KCMF1: variants seen among roughly 807,000 people sequenced by gnomAD.
KCMF1 encodes the protein E3 ubiquitin-protein ligase KCMF1.
KCMF1 carries 3 observed loss-of-function variants against 41.1 expected under a neutral mutation model. That is an observed-to-expected ratio of 0.07 (90% CI 0.03 to 0.19). The LOEUF is 0.19. Ranked by LOEUF, KCMF1 falls within the 10% of genes least tolerant of loss-of-function variation. The pLI is 1.00. For missense variants in KCMF1, 286 were observed against 488.9 expected, an observed-to-expected ratio of 0.58 and a Z score of 3.91; for synonymous variants, 142 against 164.5, an observed-to-expected ratio of 0.86 and a Z score of 1.04.
At chr2:85,012,909 G>T (rs1477880446) in intron 1 of KCMF1, among the ~76,000 whole-genome samples, 1 of 152,172 alleles carries the variant, frequency 6.6e-6, no homozygotes. Flanking sequence ...AAGTGACTTA[G>T]TTCATGTTTG....
chr2:85,010,846 CTTTT>C (rs1285447116), intron 1 of KCMF1, among the ~76,000 whole-genome samples: 1 of 140,612 alleles, frequency 7.1e-6, no homozygotes, highest in Non-Finnish European at 1.6e-5. Flanking sequence ...TAATCTATTA[CTTTT>C]TTTTTTTTTT....
At chr2:85,021,554 A>G (rs1674940113) in intron 1 of KCMF1, among the ~76,000 whole-genome samples, 1 of 152,002 alleles carries the variant, frequency 6.6e-6, no homozygotes, top group African/African-American at 2.4e-5. Context: ...ACCAGGAGAC[A>G]GAGCTTGCAG....
chr2:84,987,544 T>C lies in KCMF1; in HGVS notation c.16+16077T>C, dbSNP rs554725653. Among the ~76,000 whole-genome samples, 144 of 152,240 alleles carry C rather than the reference T, an allele frequency of 9.5e-4. 2 individuals are homozygous for C. Among genetic ancestry groups the C allele is most frequent in the African/African-American group, 3.4e-3 (140 of 41,544 alleles). ...AAGAATTGCAGGTTCTTGTAGTAAATTGGGCATCTAGGAGGGGAGAGACAG... is the reference window on the plus strand; with the variant it reads ...AAGAATTGCAGGTTCTTGTAGTAAACTGGGCATCTAGGAGGGGAGAGACAG... On this transcript the variant is annotated intron_variant, in intron 1 of 6. Transcript: ENST00000409785.
At chr2:85,001,927 G>T (rs1674339215) in intron 1 of KCMF1, among the ~76,000 whole-genome samples, 1 of 152,136 alleles carries the variant, frequency 6.6e-6, no homozygotes, top group Admixed American at 6.6e-5. Flanking sequence ...ATAATATGTT[G>T]CTGTACTCAA....
chr2:84,999,154 T>C (rs1166938991), intron 1 of KCMF1, among the ~76,000 whole-genome samples: 1 of 151,318 alleles, frequency 6.6e-6, no homozygotes, highest in Non-Finnish European at 1.5e-5. Context: ...CTCTTATTTA[T>C]TTATTTATAT....
intron 1 of KCMF1, among the ~76,000 whole-genome samples, chr2:84,977,942 A>G (rs1673591626): frequency 6.6e-6 from 1 of 151,966 alleles, no homozygotes; most frequent in African/African-American, 2.4e-5. Flanking sequence ...CTTGTTTCAA[A>G]TTGGGAACTC....
Position 85,039,765 on chromosome 2 carries a change from G to A in KCMF1, c.325-3799G>A, listed in dbSNP as rs115372527. ...AGGAGAAGAGGAAACTCGAGCAACA[G>A]CAGAGACGACACTGAGAACAGCAAG... On this transcript the variant is annotated intron_variant, in intron 3 of 6. Coordinates refer to ENST00000409785, the MANE Select transcript of KCMF1 (RefSeq NM_020122.5). 3.2e-3 allele frequency among the ~76,000 whole-genome samples: 491 copies of A among 152,242 alleles called. 5 individuals are homozygous for A. The highest frequency in any genetic ancestry group is 0.011 in the African/African-American group (472 of 41,552).
At chr2:85,016,134 A>C (rs1047158691) in intron 1 of KCMF1, among the ~76,000 whole-genome samples, 9 of 152,172 alleles carry the variant, frequency 5.9e-5, no homozygotes, top group Non-Finnish European at 1.2e-4. Context: ...TGAAGACTAC[A>C]CATATTGCAA....
rs1244137688 is a variant in KCMF1, at chr2:85,055,809, T to C, written c.*2400T>C. 1 of 152,186 alleles carries C rather than the reference T, an allele frequency of 6.6e-6. No individual in the cohort carries two copies. Among genetic ancestry groups the C allele is most frequent in the Non-Finnish European group, 1.5e-5 (1 of 68,022 alleles). The allele number at this position is 152,186 out of a possible 1,614,324, so 9.4% of individuals were successfully genotyped here. ...CTTTGATGGAGACAAAATCAAAATA[T>C]ACCACTGTTTATTTTGGCAGCACCT... On this transcript the variant is annotated 3_prime_UTR_variant, in exon 7 of 7. Coordinates refer to ENST00000409785, the MANE Select transcript of KCMF1 (RefSeq NM_020122.5).
At chr2:85,008,020 C>T (rs1477602631) in intron 1 of KCMF1, among the ~76,000 whole-genome samples, 3 of 151,944 alleles carry the variant, frequency 2.0e-5, no homozygotes, top group South Asian at 2.1e-4. Context: ...ATCTTGACCT[C>T]CCAAAGTGCT....
intron 1 of KCMF1, among the ~76,000 whole-genome samples, chr2:84,974,997 G>A (rs11510401): frequency 6.6e-5 from 10 of 152,058 alleles, no homozygotes; most frequent in African/African-American, 2.2e-4. Context: ...GTAAGCCACC[G>A]CACCTGGCCG....
chr2:85,022,644 G>C (rs1297125920), intron 1 of KCMF1, among the ~76,000 whole-genome samples: 2 of 152,112 alleles, frequency 1.3e-5, no homozygotes, highest in Non-Finnish European at 2.9e-5. Flanking sequence ...TTGGATATAT[G>C]AGAATTTTCA....
chr2:85,008,454 A>G (rs116164382), intron 1 of KCMF1, among the ~76,000 whole-genome samples: 1,616 of 117,736 alleles, frequency 0.014, 41 homozygotes, highest in African/African-American at 0.047. Flanking sequence ...TATATCTGAG[A>G]TATATGTTAC....
At chr2:84,997,897 G>A (rs1448243483) in intron 1 of KCMF1, among the ~76,000 whole-genome samples, 1 of 149,794 alleles carries the variant, frequency 6.7e-6, no homozygotes, top group Non-Finnish European at 1.5e-5. Flanking sequence ...GGCCTCCCGA[G>A]TAGCTGGGAT....
intron 1 of KCMF1, among the ~76,000 whole-genome samples, chr2:85,016,434 T>TA (rs71890895): frequency 0.14 from 21,234 of 150,610 alleles, 2,162 homozygotes; most frequent in East Asian, 0.35. Flanking sequence ...GAAAGCTCTC[T>TA]AAAAAAAAAC....
intron 2 of KCMF1, among the ~76,000 whole-genome samples, chr2:85,029,226 A>G (rs1675200144): frequency 6.6e-6 from 1 of 152,006 alleles, no homozygotes; most frequent in Non-Finnish European, 1.5e-5. Flanking sequence ...CGCCTCCCAA[A>G]GTGCTGGGAT....
intron 5 of KCMF1, among the ~76,000 whole-genome samples, 195 bp downstream of exon 5, chr2:85,046,473 TA>T (rs1309448947): frequency 1.3e-5 from 2 of 151,760 alleles, no homozygotes; most frequent in Non-Finnish European, 2.9e-5. Context: ...CTACTAAAAA[TA>T]AAAAAATTAG....
At chr2:84,986,341 T>C (rs2103971888) in intron 1 of KCMF1, among the ~76,000 whole-genome samples, 1 of 152,272 alleles carries the variant, frequency 6.6e-6, no homozygotes, top group South Asian at 2.1e-4. Flanking sequence ...AATGAGGTGT[T>C]ATTTGGGTGT....
At chr2:85,008,116 C>T (rs374865781) in intron 1 of KCMF1, among the ~76,000 whole-genome samples, 1 of 151,118 alleles carries the variant, frequency 6.6e-6, no homozygotes, top group Non-Finnish European at 1.5e-5. Context: ...ATTACTGAAC[C>T]TCTGTTCCTA....
Sources: gnomAD v4.1 joint callset for allele counts (sites outside exome capture counted in the v4.1 genomes callset) on GRCh38, gnomAD v4.1.1 for gene constraint, MANE v1.5 for transcripts, NCBI Gene and HGNC (gene_info 2026-07-23, HGNC 2026-07-21) for gene names.